The following ARHGEF28 variants were observed in gnomAD, a reference collection of about 807,000 sequenced individuals.
The protein encoded by ARHGEF28 is 190 kDa guanine nucleotide exchange factor.
Under a neutral mutation model 206.6 loss-of-function variants are expected in ARHGEF28, and 152 were observed. The observed-to-expected ratio is 0.74, with a 90% CI of 0.64 to 0.84. The LOEUF is 0.84. Among genes scored for constraint, ARHGEF28 ranks in the 40% least tolerant of loss-of-function variants. The pLI is 0.00. For synonymous variants in ARHGEF28, 763 were observed against 776.4 expected (o/e 0.98, Z 0.29); for missense variants, 2,028 against 2,073.2 (o/e 0.98, Z 0.42).
In ARHGEF28 at chr5:73,721,391, AG is replaced by A. The variant is rs552939714; in HGVS notation, c.34-28445del. 3.0e-3 allele frequency among the ~76,000 whole-genome samples: 455 copies of A among 152,310 alleles called. 1 individual carries two copies. The highest frequency in any genetic ancestry group is 0.01 in the African/African-American group (436 of 41,560). ...TGAAACCCTTGAGAAGTAAAGTAAA[AG>A]CATTACCTACTTAGATCCTGTTGAA... On this transcript the variant is annotated intron_variant, in intron 2 of 35. Coordinates refer to ENST00000513042, the MANE Select transcript of ARHGEF28 (RefSeq NM_001177693.2).
intron 5 of ARHGEF28, 105 bp downstream of exon 5, chr5:73,774,143 T>G (rs1753407394): frequency 9.3e-7 from 1 of 1,076,506 alleles, no homozygotes; most frequent in African/African-American, 1.6e-5. Flanking sequence ...GGTTTATGTT[T>G]TACTGTTAGC....
chr5:73,866,236 T>C (rs1357426110), intron 18 of ARHGEF28, among the ~76,000 whole-genome samples: 2 of 152,206 alleles, frequency 1.3e-5, no homozygotes, highest in African/African-American at 4.8e-5. Flanking sequence ...TGATCTTTTA[T>C]ATTAGAGAGG....
chr5:73,634,079 A>G (rs1053750268), intron 1 of ARHGEF28, among the ~76,000 whole-genome samples: 1 of 152,004 alleles, frequency 6.6e-6, no homozygotes, highest in Non-Finnish European at 1.5e-5. Flanking sequence ...CTAGTCTTTT[A>G]GAGTGTTTAT....
Position 73,892,075 on chromosome 5 carries a change from C to T in ARHGEF28, c.3411C>T (p.Ser1137=), listed in dbSNP as rs763350803. Residue 1137 remains serine (S), a synonymous_variant, in exon 27 of 36, where the codon TCC becomes TCT. Transcript: ENST00000513042. ...AGGATCAGAAGCCATCAGTTATTTC[C>T]CTTCAAAAGCTTATTGCTAGAGAAG... ...AAVDQKPSVI[S]LQKLIAREVA... is the part of the protein sequence containing the mutation. 3.7e-6 allele frequency: 6 copies of T among 1,601,712 alleles called. No homozygotes were observed. In the Middle Eastern group the frequency reaches 4.9e-4, roughly 132 times the overall value.
At chr5:73,933,389 A>G (rs1764241615) in intron 35 of ARHGEF28, among the ~76,000 whole-genome samples, 1 of 152,168 alleles carries the variant, frequency 6.6e-6, no homozygotes, top group Non-Finnish European at 1.5e-5. Context: ...GGTTCACACA[A>G]TTTGTGTATC....
chr5:73,839,962 C>G (rs747607759), intron 10 of ARHGEF28, among the ~76,000 whole-genome samples: 1 of 152,194 alleles, frequency 6.6e-6, no homozygotes, highest in African/African-American at 2.4e-5. Flanking sequence ...GTATTTAAAA[C>G]ATTTCCCCCT....
At chr5:73,911,225 T>C in intron 34 of ARHGEF28, 50 bp from the exon 35 acceptor site, 1 of 1,460,164 alleles carries the variant, frequency 6.8e-7, no homozygotes, top group Non-Finnish European at 9.2e-7. Context: ...TTTATGAAAC[T>C]TGTATAAGTT....
chr5:73,824,820 C>T (rs1388558646), intron 9 of ARHGEF28, among the ~76,000 whole-genome samples: 2 of 151,812 alleles, frequency 1.3e-5, no homozygotes, highest in African/African-American at 4.8e-5. Context: ...CCATCCTGGG[C>T]CCAGCAGGTT....
At chr5:73,640,314 G>A (rs1219966884) in intron 1 of ARHGEF28, among the ~76,000 whole-genome samples, 1 of 152,154 alleles carries the variant, frequency 6.6e-6, no homozygotes, top group Admixed American at 6.5e-5. Flanking sequence ...ATGAATAGTT[G>A]CATGTACAAT....
At chr5:73,801,597 T>C (rs2112498408) in intron 9 of ARHGEF28, among the ~76,000 whole-genome samples, 1 of 152,300 alleles carries the variant, frequency 6.6e-6, no homozygotes, top group East Asian at 1.9e-4. Context: ...CAAGAATGTT[T>C]CGTGAAACAT....
intron 2 of ARHGEF28, among the ~76,000 whole-genome samples, chr5:73,711,103 A>C (rs1277397914): frequency 1.3e-5 from 2 of 152,198 alleles, no homozygotes; most frequent in Admixed American, 6.5e-5. Context: ...GTCAAAAATC[A>C]GTTGACTAAG....
chr5:73,645,868 C>T (rs1254382088), intron 1 of ARHGEF28, among the ~76,000 whole-genome samples: 21 of 151,924 alleles, frequency 1.4e-4, no homozygotes, highest in African/African-American at 5.1e-4. Context: ...TTCCCCCCTC[C>T]TCCCCTTCCT....
intron 2 of ARHGEF28, among the ~76,000 whole-genome samples, chr5:73,707,579 C>A (rs1243899331): frequency 6.6e-6 from 1 of 152,172 alleles, no homozygotes; most frequent in African/African-American, 2.4e-5. Context: ...AATTATTATC[C>A]TATGTATTCT....
At position 73,840,503 on chromosome 5, in the gene ARHGEF28, T is replaced by C. The variant is rs764327118; in HGVS notation, c.1170T>C (p.Tyr390=). Residue 390 remains tyrosine (Y), a synonymous_variant, in exon 11 of 36, where the codon TAT becomes TAC. Coordinates refer to ENST00000513042, the MANE Select transcript of ARHGEF28 (RefSeq NM_001177693.2). ...IDQVGDLDIS[Y]INIEGITATT... ...AGGTTGGTGATTTGGATATCAGCTA[T>C]ATTAATATAGAGGGAATCACTGCCA... The C allele has an allele frequency of 3.7e-6, 6 of 1,613,922 alleles. 1 individual carries two copies. The South Asian group carries it at 4.4e-5, about 12-fold the overall frequency.
chr5:73,736,717 C>T (rs1750957090), intron 2 of ARHGEF28, among the ~76,000 whole-genome samples: 1 of 152,080 alleles, frequency 6.6e-6, no homozygotes, highest in African/African-American at 2.4e-5. Flanking sequence ...CCCTTTATAA[C>T]TGAGATTGCT....
chr5:73,797,867 A>G (rs2973546), intron 9 of ARHGEF28, among the ~76,000 whole-genome samples: 90,846 of 152,090 alleles, frequency 0.6, 28,330 homozygotes, highest in African/African-American at 0.79. Flanking sequence ...TTCCAGTGGC[A>G]CCCTCTGTGC....
intron 2 of ARHGEF28, among the ~76,000 whole-genome samples, chr5:73,704,626 T>C (rs1418119461): frequency 1.3e-5 from 2 of 152,092 alleles, no homozygotes; most frequent in Non-Finnish European, 2.9e-5. Context: ...GGTTTTGTCA[T>C]GTTGGCCAGG....
chr5:73,689,371 G>A (rs553970918), intron 2 of ARHGEF28, among the ~76,000 whole-genome samples: 15 of 152,048 alleles, frequency 9.9e-5, no homozygotes, highest in Admixed American at 9.2e-4. Flanking sequence ...TTGAGATGGG[G>A]CCTCACTGTT....
intron 2 of ARHGEF28, among the ~76,000 whole-genome samples, chr5:73,712,209 T>C (rs1749293981): frequency 6.6e-6 from 1 of 152,232 alleles, no homozygotes; most frequent in Non-Finnish European, 1.5e-5. Context: ...ATAAGTTTTA[T>C]ATTTATGTTC....
Sources: gnomAD v4.1 joint callset for allele counts (sites outside exome capture counted in the v4.1 genomes callset) on GRCh38, gnomAD v4.1.1 for gene constraint, MANE v1.5 for transcripts, NCBI Gene and HGNC (gene_info 2026-07-23, HGNC 2026-07-21) for gene names.